The following SPON2 variants were observed in gnomAD, a reference collection of about 807,000 sequenced individuals.
SPON2 encodes the protein spondin 2, also known as spondin-2.
SPON2 carries 32 observed loss-of-function variants against 29.9 expected under a neutral mutation model. The observed-to-expected ratio is 1.07, with a 90% CI of 0.81 to 1.44. SPON2 has a LOEUF of 1.44. Among genes scored for constraint, SPON2 ranks in the 40% most tolerant of loss-of-function variants. The pLI is 0.00. For missense variants in SPON2, 541 were observed against 455.5 expected, an observed-to-expected ratio of 1.19 and a Z score of -1.71; for synonymous variants, 248 against 209.1, an observed-to-expected ratio of 1.19 and a Z score of -1.61.
intron 5 of SPON2, among the ~76,000 whole-genome samples, chr4:1,168,894 G>A (rs1005483055): frequency 2.0e-5 from 3 of 152,184 alleles, no homozygotes; most frequent in Non-Finnish European, 4.4e-5. Context: ...GGTGCCAGCC[G>A]CCACATGCCC....
upstream of SPON2, among the ~76,000 whole-genome samples, chr4:1,175,206 T>C (rs1038289965): frequency 1.6e-4 from 24 of 152,258 alleles, no homozygotes; most frequent in Admixed American, 7.2e-4. Context: ...CTACTGGCTC[T>C]GGGTCTGAGG....
At chr4:1,170,716 TC>T (rs1295867704) in intron 4 of SPON2, 140 bp from the exon 5 acceptor site, 3 of 1,138,072 alleles carry the variant, frequency 2.6e-6, no homozygotes, top group Admixed American at 4.0e-5. Flanking sequence ...TGTACTCCTC[TC>T]AGCCATCCCA....
chr4:1,176,826 A>ATTCACACAG (rs1727610698), upstream of SPON2, among the ~76,000 whole-genome samples: 2 of 151,478 alleles, frequency 1.3e-5, no homozygotes, highest in African/African-American at 4.9e-5. Context: ...CAGTTCATTC[A>ATTCACACAG]TTCATTCACA....
Position 1,171,455 on chromosome 4 carries a change from C to T in SPON2, c.252G>A (p.Trp84Ter), listed in dbSNP as rs1727445786. Reference sequence around the variant, plus strand: ...CGTTACTGACGTACTGGTTCTTCCTCCACATGCTGTAGTCGGAGCTATGCG... The same window carrying T: ...CGTTACTGACGTACTGGTTCTTCCTTCACATGCTGTAGTCGGAGCTATGCG... ...GAAHSSDYSM[W>*]RKNQYVSNGL... is the part of the protein sequence containing the mutation. Residue 84 changes from tryptophan to a stop codon, truncating the protein, a stop_gained, in exon 3 of 6, where the codon TGG becomes TGA. Coordinates refer to ENST00000290902, the MANE Select transcript of SPON2 (RefSeq NM_012445.4). LOFTEE classifies it high-confidence loss of function. The T allele has an allele frequency of 5.0e-6, 8 of 1,612,136 alleles. No homozygotes were observed. The highest frequency in any genetic ancestry group is 6.8e-6 in the Non-Finnish European group (8 of 1,179,704).
At chr4:1,181,616 C>T (rs1235806486) in intron 1 of SPON2, among the ~76,000 whole-genome samples, 1 of 152,124 alleles carries the variant, frequency 6.6e-6, no homozygotes, top group African/African-American at 2.4e-5. Flanking sequence ...TTGCAGCTTC[C>T]AGGAGTAGGT....
chr4:1,183,996 G>A (rs907426423), intron 1 of SPON2, among the ~76,000 whole-genome samples: 3 of 152,124 alleles, frequency 2.0e-5, no homozygotes, highest in South Asian at 2.1e-4. Flanking sequence ...TAGTTATTTT[G>A]AGACAGGGTC....
In SPON2 at chr4:1,171,004, T is replaced by TCAC; in HGVS notation, c.628_630dup (p.Val210dup). 6.5e-7 allele frequency: 1 copy of TCAC among 1,548,204 alleles called. No individual in the cohort carries two copies. The highest frequency in any genetic ancestry group is 8.7e-7 in the Non-Finnish European group (1 of 1,145,384). ...CACGCGGGGTGCCCACTCACCTCGG[T>TCAC]CACCGTGTCCTGCGGGATGGTGGCG... On this transcript the variant is annotated inframe_insertion, in exon 4 of 6. Transcript: ENST00000290902.
In SPON2 at chr4:1,202,741, G is replaced by A. The variant is rs1161897052; in HGVS notation, c.-234+5139C>T. 6.6e-6 allele frequency among the ~76,000 whole-genome samples: 1 copy of A among 152,224 alleles called. No homozygotes were observed. Among genetic ancestry groups the A allele is most frequent in the Non-Finnish European group, 1.5e-5 (1 of 68,030 alleles). On this transcript the variant is annotated intron_variant, in intron 1 of 3. Coordinates refer to the SPON2 transcript ENST00000509233. This position sits in a 1 kb window ranked among gnomAD's most constrained non-coding sequence, Gnocchi z 5.4. The stretch of plus-strand genomic sequence containing the variant: ...TCCGAGGCAGCTCCAACCCCACGAT[G>A]AGCCTCTGCCTGGGCCCCAAGGCTG...
intron 1 of SPON2, among the ~76,000 whole-genome samples, chr4:1,181,433 A>T (rs547420183): frequency 1.3e-5 from 2 of 152,378 alleles, no homozygotes; most frequent in East Asian, 3.9e-4. Flanking sequence ...ACATGAAGAA[A>T]CAAAGAGCAC....
At chr4:1,177,236 C>G (rs980078319), upstream of SPON2, among the ~76,000 whole-genome samples, 2 of 152,234 alleles carry the variant, frequency 1.3e-5, no homozygotes, top group South Asian at 4.1e-4. Context: ...GGCTGCCCTG[C>G]CACGGCCCCA....
chr4:1,186,094 A>AG (rs1185913914), intron 1 of SPON2, among the ~76,000 whole-genome samples: 3 of 148,482 alleles, frequency 2.0e-5, no homozygotes, highest in African/African-American at 4.9e-5. Flanking sequence ...AATACAAAAA[A>AG]TTAGCCGGGC....
At chr4:1,200,636 C>T (rs1187218264) in intron 1 of SPON2, 2 of 357,844 alleles carry the variant, frequency 5.6e-6, no homozygotes, top group Admixed American at 7.2e-5. Flanking sequence ...GCACCGGCCC[C>T]ATCTCCCTAG....
At position 1,170,981 on chromosome 4, in the gene SPON2, C is replaced by T. The variant is rs764469346; in HGVS notation, c.636+18G>A. On this transcript the variant is annotated intron_variant, in intron 4 of 5. Coordinates refer to ENST00000290902, the MANE Select transcript of SPON2 (RefSeq NM_012445.4). Reference sequence around the variant, plus strand: ...CGGGGGCCATAGCGGCCCTTGCGCACGCGGGGTGCCCACTCACCTCGGTCA... The same window carrying T: ...CGGGGGCCATAGCGGCCCTTGCGCATGCGGGGTGCCCACTCACCTCGGTCA... 29 of 1,546,226 alleles carry T rather than the reference C, an allele frequency of 1.9e-5. No individual in the cohort carries two copies. Among genetic ancestry groups the T allele is most frequent in the East Asian group, 7.4e-5 (3 of 40,792 alleles).
At position 1,202,954 on chromosome 4, in the gene SPON2, C is replaced by T. The variant is rs1192771363; in HGVS notation, c.-234+4926G>A. ...CAGGATCGGGGGAGACCCAGGCAGG[C>T]AGTGAGCTCTGCGGTCCCAAAGGTG... On this transcript the variant is annotated intron_variant, in intron 1 of 3. Coordinates refer to the SPON2 transcript ENST00000509233. The surrounding 1 kb of genome is among the most constrained non-coding windows in gnomAD (Gnocchi z 5.4). 6.6e-6 allele frequency among the ~76,000 whole-genome samples: 1 copy of T among 152,184 alleles called. No homozygotes were observed. Among genetic ancestry groups the T allele is most frequent in the Non-Finnish European group, 1.5e-5 (1 of 68,020 alleles).
At chr4:1,203,889 G>A (rs1025248293) in intron 1 of SPON2, among the ~76,000 whole-genome samples, 1 of 149,194 alleles carries the variant, frequency 6.7e-6, no homozygotes, top group East Asian at 2.0e-4. Context: ...TTTTTTTTTT[G>A]AGTTAGAGTC....
rs1455820532 is a variant in SPON2 at position 1,171,975 on chromosome 4, ACT to A, written c.95_96del (p.Glu32ValfsTer46). On this transcript the variant is annotated frameshift_variant, in exon 2 of 6. Transcript: ENST00000290902. LOFTEE classifies it high-confidence loss of function. ...GCCAGGGCTCTGGCGGAACAGATGG[ACT>A]CTCCCCCAAGAGGCTGGCCGGCGGC... ...LGAAGQPLGG[E>X]SICSARALAK... 3.7e-6 allele frequency: 6 copies of A among 1,612,332 alleles called. No homozygotes were observed. The highest frequency in any genetic ancestry group is 1.7e-5 in the Admixed American group (1 of 59,990).
intron 1 of SPON2, among the ~76,000 whole-genome samples, chr4:1,182,163 C>T (rs780443118): frequency 9.9e-5 from 15 of 151,902 alleles, no homozygotes; most frequent in East Asian, 3.9e-4. Flanking sequence ...TTCAAATGTC[C>T]GATTTTCAAG....
At chr4:1,188,303 A>T (rs1727844264) in intron 1 of SPON2, among the ~76,000 whole-genome samples, 1 of 152,062 alleles carries the variant, frequency 6.6e-6, no homozygotes, top group East Asian at 1.9e-4. Flanking sequence ...GAAACAGAGG[A>T]ACAAAAAAAA....
At chr4:1,175,183 C>A (rs537124000), upstream of SPON2, among the ~76,000 whole-genome samples, 1 of 152,368 alleles carries the variant, frequency 6.6e-6, no homozygotes, top group Non-Finnish European at 1.5e-5. Context: ...GGAGCACAGG[C>A]TCCATGGCAA....
Sources: gnomAD v4.1 joint callset for allele counts (sites outside exome capture counted in the v4.1 genomes callset) on GRCh38, gnomAD v4.1.1 for gene constraint, Gnocchi (gnomAD v3.1) non-coding constraint, MANE v1.5 for transcripts, NCBI Gene and HGNC (gene_info 2026-07-23, HGNC 2026-07-21) for gene names.